Variants in STK32B observed in about 807,000 individuals in gnomAD.
The protein encoded by STK32B is serine/threonine-protein kinase 32B.
Under a neutral mutation model 52.6 loss-of-function variants are expected in STK32B, and 43 were observed. That is an observed-to-expected ratio of 0.82 (90% CI 0.64 to 1.05). STK32B has a LOEUF of 1.05. Ranked by LOEUF, STK32B falls within the 50% of genes least tolerant of loss-of-function variation. The probability of loss-of-function intolerance (pLI) is 0.00; values close to 1 mark genes in which losing one functional copy is unlikely to be tolerated. For synonymous variants in STK32B, 238 were observed against 204.3 expected (o/e 1.17, Z -1.41); for missense variants, 621 against 534.6 (o/e 1.16, Z -1.59).
intron 3 of STK32B, among the ~76,000 whole-genome samples, chr4:5,238,363 TCTC>T (rs1724776489): frequency 6.6e-6 from 1 of 152,156 alleles, no homozygotes; most frequent in South Asian, 2.1e-4. Context: ...CTCTGTTTCT[TCTC>T]CTTTCTTCTT....
At chr4:5,132,107 C>T (rs1186188716) in intron 1 of STK32B, among the ~76,000 whole-genome samples, 1 of 152,160 alleles carries the variant, frequency 6.6e-6, no homozygotes, top group African/African-American at 2.4e-5. Context: ...ACATGATCTT[C>T]CTCTTTTTAT....
chr4:5,126,037 A>G (rs558427682), intron 1 of STK32B, among the ~76,000 whole-genome samples: 3 of 152,194 alleles, frequency 2.0e-5, no homozygotes, highest in African/African-American at 7.2e-5. Context: ...AATTGCTTCT[A>G]CACCTCGGTC....
chr4:5,206,732 A>T (rs962248470), intron 3 of STK32B, among the ~76,000 whole-genome samples: 1 of 152,202 alleles, frequency 6.6e-6, no homozygotes, highest in Non-Finnish European at 1.5e-5. Flanking sequence ...GAAGTGAGAC[A>T]GCATCTGCCA....
chr4:5,090,932 AG>A (rs1410928400), intron 1 of STK32B, among the ~76,000 whole-genome samples: 1 of 152,256 alleles, frequency 6.6e-6, no homozygotes, highest in Non-Finnish European at 1.5e-5. Context: ...AAGGACAAAT[AG>A]AAAATCTAGA....
chr4:5,496,790 A>T (rs1720299932), intron 11 of STK32B, among the ~76,000 whole-genome samples: 2 of 151,536 alleles, frequency 1.3e-5, no homozygotes, highest in Non-Finnish European at 2.9e-5. Flanking sequence ...TAACATGGAA[A>T]TTTTTTCTTT....
At chr4:5,254,924 A>G (rs905777910) in intron 3 of STK32B, among the ~76,000 whole-genome samples, 6 of 150,976 alleles carry the variant, frequency 4.0e-5, no homozygotes, top group African/African-American at 4.9e-5. Context: ...AACTTTCCAT[A>G]TATAGGATTC....
chr4:5,184,996 G>T (rs184398658), intron 3 of STK32B, among the ~76,000 whole-genome samples: 59 of 152,326 alleles, frequency 3.9e-4, no homozygotes, highest in African/African-American at 1.2e-3. Flanking sequence ...CTGAGGTGAG[G>T]TTGCTCCCTG....
At chr4:5,054,132 C>T (rs1741902351) in intron 1 of STK32B, among the ~76,000 whole-genome samples, 1 of 152,140 alleles carries the variant, frequency 6.6e-6, no homozygotes, top group African/African-American at 2.4e-5. Flanking sequence ...GTGTTACTTG[C>T]CACCAACCGA....
chr4:5,373,344 G>C (rs1228202943), intron 4 of STK32B, among the ~76,000 whole-genome samples: 3 of 152,186 alleles, frequency 2.0e-5, no homozygotes, highest in Non-Finnish European at 2.9e-5. Flanking sequence ...TGATCCAATG[G>C]TGTAGTTTCT....
intron 2 of STK32B, among the ~76,000 whole-genome samples, chr4:5,143,975 C>A (rs1716708273): frequency 6.6e-6 from 1 of 152,210 alleles, no homozygotes; most frequent in Admixed American, 6.5e-5. Flanking sequence ...TGTACCTCCA[C>A]CTACTCCCCT....
intron 3 of STK32B, among the ~76,000 whole-genome samples, chr4:5,185,383 G>A (rs917084474): frequency 7.2e-5 from 11 of 152,202 alleles, no homozygotes; most frequent in African/African-American, 2.4e-4. Flanking sequence ...GCAATGGACT[G>A]AGTCAGTACA....
At chr4:5,482,599 C>T (rs1202033260) in intron 11 of STK32B, among the ~76,000 whole-genome samples, 5 of 152,070 alleles carry the variant, frequency 3.3e-5, no homozygotes, top group African/African-American at 7.2e-5. Flanking sequence ...GCCTGATTGC[C>T]CTGGCCAGAA....
chr4:5,181,400 G>T (rs1720353604), intron 3 of STK32B, among the ~76,000 whole-genome samples: 1 of 149,564 alleles, frequency 6.7e-6, no homozygotes, highest in African/African-American at 2.5e-5. Context: ...CAAGAAAGTT[G>T]CCTCTGCTGG....
At chr4:5,214,805 A>C (rs1490660588) in intron 3 of STK32B, among the ~76,000 whole-genome samples, 1 of 152,106 alleles carries the variant, frequency 6.6e-6, no homozygotes, top group Non-Finnish European at 1.5e-5. Context: ...ATTTTGGCAC[A>C]TATTGTCAAA....
intron 1 of STK32B, among the ~76,000 whole-genome samples, chr4:5,094,161 T>C (rs1436246801): frequency 1.3e-5 from 2 of 151,752 alleles, no homozygotes; most frequent in Non-Finnish European, 2.9e-5. Flanking sequence ...ACCCATAGAG[T>C]GTAATGATTC....
At chr4:5,422,869 G>A (rs1464210483) in intron 6 of STK32B, among the ~76,000 whole-genome samples, 1 of 152,170 alleles carries the variant, frequency 6.6e-6, no homozygotes, top group African/African-American at 2.4e-5. Flanking sequence ...GTGACAATCT[G>A]AATTAGACTT....
chr4:5,160,394 G>A (rs1014575424), intron 2 of STK32B, among the ~76,000 whole-genome samples: 4 of 152,138 alleles, frequency 2.6e-5, no homozygotes, highest in African/African-American at 9.7e-5. Flanking sequence ...GTGTCAACAC[G>A]TGCCACGGCA....
intron 6 of STK32B, among the ~76,000 whole-genome samples, chr4:5,425,687 C>G (rs1402007832): frequency 1.3e-5 from 2 of 152,154 alleles, no homozygotes; most frequent in Non-Finnish European, 1.5e-5. Flanking sequence ...AAAATGTACT[C>G]TTTTAGTGTA....
At chr4:5,434,454 G>GTATATATATA (rs5855854) in intron 6 of STK32B, among the ~76,000 whole-genome samples, 14 of 131,256 alleles carry the variant, frequency 1.1e-4, no homozygotes, top group Middle Eastern at 4.0e-3. Flanking sequence ...GTGTGTGTGT[G>GTATATATATA]TATATATATA....
Sources: allele counts gnomAD v4.1 joint callset (sites outside exome capture counted in the v4.1 genomes callset), GRCh38; gene constraint gnomAD v4.1.1; transcripts MANE v1.5; gene names NCBI Gene and HGNC (gene_info 2026-07-23, HGNC 2026-07-21).